The following UBE2E1 variants were observed in gnomAD, a reference collection of about 807,000 sequenced individuals.
The protein encoded by UBE2E1 is ubiquitin-conjugating enzyme E2 E1.
Under a neutral mutation model 21.4 loss-of-function variants are expected in UBE2E1, and 6 were observed. The observed-to-expected ratio is 0.28, with a 90% CI of 0.15 to 0.55. The LOEUF (loss-of-function observed/expected upper bound fraction) is 0.55, where lower values mean the gene tolerates loss of function less well. Ranked by LOEUF, UBE2E1 falls within the 20% of genes least tolerant of loss-of-function variation. UBE2E1 has a pLI of 0.93. For synonymous variants in UBE2E1, 87 were observed against 82.7 expected (o/e 1.05, Z -0.28); for missense variants, 142 against 236.5 (o/e 0.60, Z 2.62).
At chr3:23,807,878 A>G (rs1411988561) in intron 2 of UBE2E1, 1 of 152,786 alleles carries the variant, frequency 6.5e-6, no homozygotes, top group East Asian at 1.9e-4. Context: ...CACAAATTGC[A>G]TAAGGAATAA....
At chr3:23,882,555 G>A (rs369006796) in intron 3 of UBE2E1, among the ~76,000 whole-genome samples, 1 of 152,120 alleles carries the variant, frequency 6.6e-6, no homozygotes, top group Non-Finnish European at 1.5e-5. Flanking sequence ...TTGGGCAGGC[G>A]ATGGGACCGG....
chr3:23,808,557 C>T lies in UBE2E1; in HGVS notation c.152+1136C>T, dbSNP rs1699323899. 1 of 152,226 alleles carries T rather than the reference C, an allele frequency of 6.6e-6. No homozygotes were observed. Among genetic ancestry groups the T allele is most frequent in the Admixed American group, 6.5e-5 (1 of 15,276 alleles). The allele number at this position is 152,226 out of a possible 1,614,324, so 9.4% of individuals were successfully genotyped here. On this transcript the variant is annotated intron_variant, in intron 2 of 5. Transcript: ENST00000306627. The surrounding 1 kb of genome is among the most constrained non-coding windows in gnomAD (Gnocchi z 4.9). ...GGGTTTGAGAGTTTGTTCTGTCATT[C>T]TCCCTGACTTGTAATTTGAAAACTT...
At chr3:23,865,767 C>CAT (rs1700642715) in intron 3 of UBE2E1, among the ~76,000 whole-genome samples, 1 of 152,214 alleles carries the variant, frequency 6.6e-6, no homozygotes, top group Non-Finnish European at 1.5e-5. Flanking sequence ...CATGAAGTAG[C>CAT]ATATGACTCT....
intron 3 of UBE2E1, among the ~76,000 whole-genome samples, chr3:23,862,199 A>G (rs1700574093): frequency 6.6e-6 from 1 of 152,110 alleles, no homozygotes; most frequent in South Asian, 2.1e-4. Flanking sequence ...CTGCTGTGAC[A>G]GTGCAAAGCT....
intron 3 of UBE2E1, among the ~76,000 whole-genome samples, chr3:23,845,505 G>C (rs780847962): frequency 4.0e-5 from 6 of 151,528 alleles, no homozygotes; most frequent in Non-Finnish European, 8.8e-5. Context: ...AGAATTACTT[G>C]AGGCAGTTGT....
rs1201225682 is a variant in UBE2E1, at chr3:23,836,370, C to T, written c.203+24860C>T. Among the ~76,000 whole-genome samples, 1 of 152,188 alleles carries T rather than the reference C, an allele frequency of 6.6e-6. No individual in the cohort carries two copies. The highest frequency in any genetic ancestry group is 1.5e-5 in the Non-Finnish European group (1 of 68,034). On this transcript the variant is annotated intron_variant, in intron 3 of 5. Transcript: ENST00000306627. This position sits in a 1 kb window ranked among gnomAD's most constrained non-coding sequence, Gnocchi z 4.1. Reference sequence around the variant, plus strand: ...ACCTATAATGTATTTACTCATTAAACATCAGATGTCTTCCACATGCCATGT... The same window carrying T: ...ACCTATAATGTATTTACTCATTAAATATCAGATGTCTTCCACATGCCATGT...
At chr3:23,889,816 G>A in intron 5 of UBE2E1, 1 of 960,050 alleles carries the variant, frequency 1.0e-6, no homozygotes, top group Non-Finnish European at 1.2e-6. Flanking sequence ...TTTGAACCCA[G>A]AAGGTCAAAG....
intron 3 of UBE2E1, among the ~76,000 whole-genome samples, chr3:23,834,104 G>A (rs1345394546): frequency 6.6e-6 from 1 of 152,176 alleles, no homozygotes; most frequent in East Asian, 1.9e-4. Context: ...TTAACTCTTG[G>A]TCCATTATTT....
intron 3 of UBE2E1, among the ~76,000 whole-genome samples, chr3:23,838,332 G>C (rs1271189684): frequency 6.6e-6 from 1 of 152,100 alleles, no homozygotes; most frequent in Non-Finnish European, 1.5e-5. Context: ...CTTCCAAAGT[G>C]CTGGGATTAC....
chr3:23,825,261 G>C lies in UBE2E1; in HGVS notation c.203+13751G>C, dbSNP rs970100592. ...TGTGTTTCTCTGCCTGTTTACTTGT[G>C]ACCTTGGCTGAGCAGTACAAATCAT... is the stretch of plus-strand genomic sequence containing the variant. On this transcript the variant is annotated intron_variant, in intron 3 of 5. Coordinates refer to ENST00000306627, the MANE Select transcript of UBE2E1 (RefSeq NM_003341.5). Among the ~76,000 whole-genome samples, 6 of 152,328 alleles carry C rather than the reference G, an allele frequency of 3.9e-5. No homozygotes were observed. The East Asian group carries it at 1.2e-3, about 29-fold the overall frequency.
In UBE2E1 at chr3:23,806,264, C is replaced by T. The variant is rs961586880; in HGVS notation, c.-34+176C>T. On this transcript the variant is annotated intron_variant, in intron 1 of 5. Transcript: ENST00000306627. This position sits in a 1 kb window ranked among gnomAD's most constrained non-coding sequence, Gnocchi z 6.5. ...GAGCCCCAGGGGTCCGGGGCCCGCCCGCGGGGGATGGGCAGGGACCCCGGG... is the reference window on the plus strand; with the variant it reads ...GAGCCCCAGGGGTCCGGGGCCCGCCTGCGGGGGATGGGCAGGGACCCCGGG... 6.7e-6 allele frequency among the ~76,000 whole-genome samples: 1 copy of T among 148,974 alleles called. No individual in the cohort carries two copies. Among genetic ancestry groups the T allele is most frequent in the African/African-American group, 2.5e-5 (1 of 40,704 alleles).
chr3:23,843,472 A>C (rs1397383457), intron 3 of UBE2E1, among the ~76,000 whole-genome samples: 3 of 152,174 alleles, frequency 2.0e-5, no homozygotes, highest in Non-Finnish European at 4.4e-5. Flanking sequence ...TTTGGCACCT[A>C]CTGCTGTTAG....
At chr3:23,884,316 A>G (rs1467606509) in intron 3 of UBE2E1, among the ~76,000 whole-genome samples, 1 of 152,144 alleles carries the variant, frequency 6.6e-6, no homozygotes, top group Non-Finnish European at 1.5e-5. Flanking sequence ...AAAATGTTCA[A>G]ACTTATGCTC....
chr3:23,854,506 G>A (rs1700394611), intron 3 of UBE2E1, among the ~76,000 whole-genome samples: 1 of 152,148 alleles, frequency 6.6e-6, no homozygotes, highest in East Asian at 1.9e-4. Flanking sequence ...TCCATCCTTG[G>A]CCTGAAGCCT....
At chr3:23,882,926 C>T (rs1701087266) in intron 3 of UBE2E1, among the ~76,000 whole-genome samples, 1 of 152,222 alleles carries the variant, frequency 6.6e-6, no homozygotes, top group Admixed American at 6.5e-5. Context: ...CCCTCCACAC[C>T]TCCCTGCAAA....
At chr3:23,849,345 CTT>C (rs1219662602) in intron 3 of UBE2E1, among the ~76,000 whole-genome samples, 1 of 151,898 alleles carries the variant, frequency 6.6e-6, no homozygotes, top group Admixed American at 6.6e-5. Flanking sequence ...TTTTAAATTT[CTT>C]TTTGAATTTT....
intron 3 of UBE2E1, among the ~76,000 whole-genome samples, chr3:23,884,155 GTTGTAC>G (rs1403335427): frequency 6.6e-6 from 1 of 152,026 alleles, no homozygotes; most frequent in East Asian, 1.9e-4. Flanking sequence ...TCATTATGTA[GTTGTAC>G]TTGATTTCTT....
Position 23,816,075 on chromosome 3 carries a change from A to C in UBE2E1, c.203+4565A>C, listed in dbSNP as rs1228171413. 2.6e-5 allele frequency among the ~76,000 whole-genome samples: 4 copies of C among 152,250 alleles called. No homozygotes were observed. The highest frequency in any genetic ancestry group is 5.9e-5 in the Non-Finnish European group (4 of 68,042). On this transcript the variant is annotated intron_variant, in intron 3 of 5. Transcript: ENST00000306627. The surrounding 1 kb of genome is among the most constrained non-coding windows in gnomAD (Gnocchi z 4.8). ...GAGATGAATTGCCTTTCAAATGAGCAGGAAGTCTTGTGGCGGTTGTGTTTA... is the reference window on the plus strand; with the variant it reads ...GAGATGAATTGCCTTTCAAATGAGCCGGAAGTCTTGTGGCGGTTGTGTTTA...
chr3:23,885,956 G>C (rs1701173791), intron 3 of UBE2E1, among the ~76,000 whole-genome samples: 1 of 152,150 alleles, frequency 6.6e-6, no homozygotes, highest in African/African-American at 2.4e-5. Context: ...CAGCACTCTG[G>C]GAGGCTGAGG....
Sources: gnomAD v4.1 joint callset for allele counts (sites outside exome capture counted in the v4.1 genomes callset) on GRCh38, gnomAD v4.1.1 for gene constraint, Gnocchi (gnomAD v3.1) non-coding constraint, MANE v1.5 for transcripts, NCBI Gene and HGNC (gene_info 2026-07-23, HGNC 2026-07-21) for gene names.